Variants in ATF7IP observed in about 807,000 individuals in gnomAD.
The protein encoded by ATF7IP is activating transcription factor 7 interacting protein, also known as activating transcription factor 7-interacting protein 1.
A neutral mutation model predicts 106.4 loss-of-function variants in ATF7IP; 23 were observed. The observed-to-expected ratio is 0.22, with a 90% CI of 0.16 to 0.31. ATF7IP has a LOEUF of 0.31. Among genes scored for constraint, ATF7IP ranks in the 10% least tolerant of loss-of-function variants. The probability of loss-of-function intolerance (pLI) is 1.00; values close to 1 mark genes in which losing one functional copy is unlikely to be tolerated. For missense variants in ATF7IP, 1,334 were observed against 1,524.3 expected, an observed-to-expected ratio of 0.88 and a Z score of 2.08; for synonymous variants, 542 against 539.0, an observed-to-expected ratio of 1.01 and a Z score of -0.08.
In ATF7IP at chr12:14,500,270, G is replaced by A. The variant is rs1252612021; in HGVS notation, c.*2197G>A. The A allele has an allele frequency of 6.6e-6, 1 of 152,138 alleles. No homozygotes were observed. The allele number at this position is 152,138 out of a possible 1,614,324, so 9.4% of individuals were successfully genotyped here. On this transcript the variant is annotated 3_prime_UTR_variant, in exon 15 of 15. Transcript: ENST00000261168. ...AAAACTCTTTAGAGACTTTTGACTG[G>A]TCAGTATACTGAGGTGTGAGATTTG...
Position 14,473,288 on chromosome 12 carries a change from CTCTGTGTGTGTG to C in ATF7IP, c.2863-2600_2863-2589del, listed in dbSNP as rs1364171744. ...GCTTTTTAGCGCGCTCTCTCTCTCT[CTCTGTGTGTGTG>C]TGTGTGTGTGTGTGTGTGTGTGTGT... On this transcript the variant is annotated intron_variant, in intron 10 of 14. Coordinates refer to ENST00000261168, the MANE Select transcript of ATF7IP (RefSeq NM_018179.5). Among the ~76,000 whole-genome samples the C allele has an allele frequency of 2.3e-4, 32 of 140,432 alleles. 1 individual carries two copies. Among genetic ancestry groups the C allele is most frequent in the African/African-American group, 5.5e-4 (21 of 38,158 alleles). The allele number at this position is 140,432 out of a possible 152,430, so 92.1% of individuals were successfully genotyped here.
chr12:14,476,230 G>T (rs765538161), intron 11 of ATF7IP: 5 of 294,562 alleles, frequency 1.7e-5, no homozygotes, highest in Non-Finnish European at 3.2e-5. Flanking sequence ...CGGGCAATGC[G>T]GTGAAACCCC....
chr12:14,417,919 A>G (rs1047613867), intron 1 of ATF7IP, among the ~76,000 whole-genome samples: 1 of 152,172 alleles, frequency 6.6e-6, no homozygotes, highest in Non-Finnish European at 1.5e-5. Flanking sequence ...GTTTGTGAGC[A>G]GCTCTTGAAC....
intron 1 of ATF7IP, among the ~76,000 whole-genome samples, chr12:14,404,131 GC>G (rs1940419123): frequency 2.1e-5 from 1 of 47,038 alleles, no homozygotes; most frequent in Non-Finnish European, 4.0e-5. Context: ...ACATTTGTAA[GC>G]TTTTTTTTTT....
chr12:14,371,780 A>G (rs1938540411), intron 1 of ATF7IP, among the ~76,000 whole-genome samples: 1 of 152,120 alleles, frequency 6.6e-6, no homozygotes, highest in East Asian at 1.9e-4. Context: ...TCAGAAGGGA[A>G]ATGAGCGTGT....
At chr12:14,468,493 TAA>T (rs5796596) in intron 10 of ATF7IP, among the ~76,000 whole-genome samples, 45,266 of 143,170 alleles carry the variant, frequency 0.32, 8,090 homozygotes, top group Admixed American at 0.46. Context: ...AGAAGAAACT[TAA>T]AAAAAAAAAA....
chr12:14,410,844 T>A (rs1356572648), intron 1 of ATF7IP, among the ~76,000 whole-genome samples: 1 of 152,150 alleles, frequency 6.6e-6, no homozygotes, highest in East Asian at 1.9e-4. Context: ...ATGTATCTTC[T>A]ATGGATAAGG....
chr12:14,431,312 AAGGCTAT>A (rs892068505), intron 2 of ATF7IP, among the ~76,000 whole-genome samples: 2 of 152,178 alleles, frequency 1.3e-5, no homozygotes, highest in African/African-American at 4.8e-5. Flanking sequence ...AAATTGTGAT[AAGGCTAT>A]AGCCTTATCC....
At chr12:14,392,809 A>G (rs571518529) in intron 1 of ATF7IP, among the ~76,000 whole-genome samples, 12 of 152,374 alleles carry the variant, frequency 7.9e-5, no homozygotes, top group African/African-American at 2.9e-4. Flanking sequence ...AGAAATTTTT[A>G]CATCAATCTG....
intron 6 of ATF7IP, among the ~76,000 whole-genome samples, chr12:14,453,713 C>T (rs1337050216): frequency 6.6e-6 from 1 of 152,076 alleles, no homozygotes; most frequent in Admixed American, 6.5e-5. Flanking sequence ...CAACCTCCGC[C>T]TCCTGGGTTC....
chr12:14,445,060 C>T lies in ATF7IP; in HGVS notation c.1930-1928C>T, dbSNP rs182073181. Among the ~76,000 whole-genome samples, 1,273 of 146,292 alleles carry T rather than the reference C, an allele frequency of 8.7e-3. 20 individuals are homozygous for T. The highest frequency in any genetic ancestry group is 0.03 in the African/African-American group (1,178 of 39,070). On this transcript the variant is annotated intron_variant, in intron 5 of 14. Coordinates refer to ENST00000261168, the MANE Select transcript of ATF7IP (RefSeq NM_018179.5). ...AGGCTGGAGTGCAGTGGTGCGATCT[C>T]GGCTCACTGCAGCCTCTGCCTCCTG...
At chr12:14,398,280 TA>T (rs1317371667) in intron 1 of ATF7IP, among the ~76,000 whole-genome samples, 2 of 151,996 alleles carry the variant, frequency 1.3e-5, no homozygotes, top group Non-Finnish European at 2.9e-5. Flanking sequence ...TATATGCATT[TA>T]AGGCTATCAG....
chr12:14,406,533 T>C (rs1219754985), intron 1 of ATF7IP, among the ~76,000 whole-genome samples: 7 of 152,142 alleles, frequency 4.6e-5, no homozygotes, highest in Non-Finnish European at 7.3e-5. Context: ...TAAGATATTT[T>C]AGATATAAAT....
intron 6 of ATF7IP, among the ~76,000 whole-genome samples, chr12:14,448,879 A>T (rs1342955204): frequency 1.3e-5 from 2 of 151,950 alleles, no homozygotes; most frequent in Non-Finnish European, 2.9e-5. Context: ...TGTAGTTTTG[A>T]TTTGCATTTC....
rs981103469 is a variant in ATF7IP at position 14,499,186 on chromosome 12, G to T, written c.*1113G>T. The stretch of plus-strand genomic sequence containing the variant: ...TAAACCAAGGTGTGTGTATGTACAT[G>T]GATGTGTATGTACACACACACACAG... On this transcript the variant is annotated 3_prime_UTR_variant, in exon 15 of 15. Transcript: ENST00000261168. The T allele has an allele frequency of 6.6e-6, 1 of 152,100 alleles. No homozygotes were observed. Among genetic ancestry groups the T allele is most frequent in the African/African-American group, 2.4e-5 (1 of 41,402 alleles). The allele number at this position is 152,100 out of a possible 1,614,324, so 9.4% of individuals were successfully genotyped here.
rs1329576946 is a variant in ATF7IP, at chr12:14,501,699, C to T, written c.*3626C>T. The T allele has an allele frequency of 6.6e-6, 1 of 152,172 alleles. No individual in the cohort carries two copies. The highest frequency in any genetic ancestry group is 6.5e-5 in the Admixed American group (1 of 15,278). The allele number at this position is 152,172 out of a possible 1,614,324, so 9.4% of individuals were successfully genotyped here. On this transcript the variant is annotated 3_prime_UTR_variant, in exon 15 of 15. Coordinates refer to ENST00000261168, the MANE Select transcript of ATF7IP (RefSeq NM_018179.5). ...ACAGAGAGGTGTTCCCCACTCCCAT[C>T]CCCATTGCCAGATAATAAATATTTT...
At chr12:14,382,819 A>G (rs1191909495) in intron 1 of ATF7IP, among the ~76,000 whole-genome samples, 1 of 152,206 alleles carries the variant, frequency 6.6e-6, no homozygotes, top group Non-Finnish European at 1.5e-5. Flanking sequence ...AAATGGTGGT[A>G]AGTATAATGA....
intron 8 of ATF7IP, 140 bp downstream of exon 8, chr12:14,457,435 C>G: frequency 1.6e-6 from 1 of 636,462 alleles, no homozygotes; most frequent in South Asian, 2.1e-5. Context: ...GTTAAAAATT[C>G]AGGATCAAAC....
intron 10 of ATF7IP, 59 bp downstream of exon 10, chr12:14,466,649 A>G (rs567641720): frequency 1.5e-6 from 2 of 1,292,484 alleles, no homozygotes; most frequent in Non-Finnish European, 1.1e-6. Context: ...AGGAAAATGA[A>G]TTTTCATCAT....
Sources: allele counts gnomAD v4.1 joint callset (sites outside exome capture counted in the v4.1 genomes callset), GRCh38; gene constraint gnomAD v4.1.1; transcripts MANE v1.5; gene names NCBI Gene and HGNC (gene_info 2026-07-23, HGNC 2026-07-21).